SAE1: variants seen among roughly 807,000 people sequenced by gnomAD.
SAE1 encodes the protein SUMO1 activating enzyme subunit 1, also known as SUMO-activating enzyme subunit 1.
SAE1 carries 11 observed loss-of-function variants against 40.6 expected under a neutral mutation model. That is an observed-to-expected ratio of 0.27 (90% CI 0.17 to 0.45). SAE1 has a LOEUF of 0.45. Among genes scored for constraint, SAE1 ranks in the 20% least tolerant of loss-of-function variants. The pLI, the probability that SAE1 is intolerant of heterozygous loss-of-function variation, is 1.00. For synonymous variants in SAE1, 155 were observed against 154.3 expected, an observed-to-expected ratio of 1.00 and a Z score of -0.03; for missense variants, 373 against 427.3, an observed-to-expected ratio of 0.87 and a Z score of 1.12.
At position 47,182,517 on chromosome 19, in the gene SAE1, GCA is replaced by G. The variant is rs1169487701; in HGVS notation, c.733+12598_733+12599del. 6.9e-3 allele frequency among the ~76,000 whole-genome samples: 1,042 copies of G among 150,874 alleles called. 11 individuals are homozygous for G. The highest frequency in any genetic ancestry group is 0.025 in the African/African-American group (1,008 of 41,138). Reference sequence around the variant, plus strand: ...TGTGTGCGCGCACGCACGCGCGCGCGCACACCACTGCCTTATCAGTGGTAGAG... The same window carrying G: ...TGTGTGCGCGCACGCACGCGCGCGCGCACCACTGCCTTATCAGTGGTAGAG... On this transcript the variant is annotated intron_variant, in intron 6 of 8. Transcript: ENST00000270225.
At chr19:47,194,812 G>A (rs1398560730) in intron 6 of SAE1, among the ~76,000 whole-genome samples, 21 of 149,536 alleles carry the variant, frequency 1.4e-4, no homozygotes, top group Non-Finnish European at 4.4e-5. Context: ...GCAGTGGCGC[G>A]ATCTCAGCTC....
chr19:47,158,359 G>A (rs753711292), intron 5 of SAE1, among the ~76,000 whole-genome samples: 1 of 152,166 alleles, frequency 6.6e-6, no homozygotes, highest in Non-Finnish European at 1.5e-5. Flanking sequence ...CCCAGAAATA[G>A]GTGCTCAGTA....
rs879473910 is a variant in SAE1 at position 47,147,987 on chromosome 19, C to T, written c.211-2215C>T. Among the ~76,000 whole-genome samples the T allele has an allele frequency of 5.9e-5, 9 of 151,760 alleles. 1 individual carries two copies. Among genetic ancestry groups the T allele is most frequent in the Non-Finnish European group, 1.3e-4 (9 of 67,898 alleles). On this transcript the variant is annotated intron_variant, in intron 2 of 8. Coordinates refer to ENST00000270225, the MANE Select transcript of SAE1 (RefSeq NM_005500.3). ...GTATTAGCCAGGATGGTCTCGATCT[C>T]CTGACCTCGTGATCTGCCTGCCTTG...
chr19:47,155,285 G>T, intron 5 of SAE1, 72 bp downstream of exon 5: 1 of 1,062,500 alleles, frequency 9.4e-7, no homozygotes, highest in Non-Finnish European at 1.4e-6. Context: ...CGATTGAAAA[G>T]GATAAGAGCA....
At chr19:47,167,888 A>G (rs1471748535) in intron 5 of SAE1, among the ~76,000 whole-genome samples, 5 of 152,132 alleles carry the variant, frequency 3.3e-5, no homozygotes, top group Non-Finnish European at 5.9e-5. Context: ...AAGGGTAGCT[A>G]GTTCTAAGAA....
At chr19:47,185,315 T>C (rs1388273733) in intron 6 of SAE1, among the ~76,000 whole-genome samples, 1 of 152,020 alleles carries the variant, frequency 6.6e-6, no homozygotes, top group Non-Finnish European at 1.5e-5. Context: ...TTTATTTGTT[T>C]ACTTATTTTT....
At chr19:47,193,967 A>G (rs1334770888) in intron 6 of SAE1, among the ~76,000 whole-genome samples, 2 of 152,132 alleles carry the variant, frequency 1.3e-5, no homozygotes, top group African/African-American at 4.8e-5. Flanking sequence ...GCACTGAGAA[A>G]AGCATAGCCC....
chr19:47,171,063 C>T (rs1165361244), intron 6 of SAE1, among the ~76,000 whole-genome samples: 2 of 152,050 alleles, frequency 1.3e-5, no homozygotes, highest in Middle Eastern at 3.4e-3. Flanking sequence ...TAACCTCTGC[C>T]TCCTGGGTTC....
rs74749546 is a variant in SAE1 at position 47,132,424 on chromosome 19, G to GTTTTTT, written c.98+1406_98+1411dup. Among the ~76,000 whole-genome samples the GTTTTTT allele has an allele frequency of 1.1e-4, 14 of 131,014 alleles. No homozygotes were observed. In the East Asian group the frequency reaches 3.1e-3, roughly 29 times the overall value. 86.0% of individuals were successfully genotyped at this position (131,014 alleles called of 152,430 possible). A position where few individuals can be genotyped will look rare whatever the true frequency, so the allele number is the denominator to read the frequency against. ...CCACCACATCATCCGACTAATTTTT[G>GTTTTTT]TTTTTTTTTTTTTTTGTAGGATGGG... On this transcript the variant is annotated intron_variant, in intron 1 of 8. Coordinates refer to ENST00000270225, the MANE Select transcript of SAE1 (RefSeq NM_005500.3).
At chr19:47,146,427 G>A (rs2058255828) in intron 2 of SAE1, among the ~76,000 whole-genome samples, 1 of 152,118 alleles carries the variant, frequency 6.6e-6, no homozygotes, top group African/African-American at 2.4e-5. Flanking sequence ...GGTGAAAGTG[G>A]CCTTGCTGAT....
intron 6 of SAE1, among the ~76,000 whole-genome samples, chr19:47,175,464 C>T (rs1210170236): frequency 1.3e-5 from 2 of 152,102 alleles, no homozygotes; most frequent in African/African-American, 2.4e-5. Context: ...AGTCTGGGCG[C>T]GGTGGCTTAT....
At chr19:47,202,190 A>G (rs1246336669) in intron 7 of SAE1, among the ~76,000 whole-genome samples, 3 of 152,186 alleles carry the variant, frequency 2.0e-5, no homozygotes, top group Non-Finnish European at 4.4e-5. Context: ...CTTTGTCAAG[A>G]TGTATGATTA....
intron 3 of SAE1, among the ~76,000 whole-genome samples, chr19:47,151,834 G>A (rs947261273): frequency 2.0e-5 from 3 of 152,248 alleles, no homozygotes; most frequent in Admixed American, 2.0e-4. Flanking sequence ...AAACTGAAGT[G>A]TGAGGCCAGT....
At chr19:47,132,245 G>A (rs2058148909) in intron 1 of SAE1, among the ~76,000 whole-genome samples, 2 of 151,476 alleles carry the variant, frequency 1.3e-5, no homozygotes, top group South Asian at 2.1e-4. Context: ...TTACAGACGT[G>A]AGCCACTGTG....
At chr19:47,186,825 G>T (rs2058547470) in intron 6 of SAE1, among the ~76,000 whole-genome samples, 1 of 152,088 alleles carries the variant, frequency 6.6e-6, no homozygotes, top group Non-Finnish European at 1.5e-5. Flanking sequence ...GCATTTCAGA[G>T]TAGTCTTCAT....
At chr19:47,190,638 C>A (rs1489237302) in intron 6 of SAE1, among the ~76,000 whole-genome samples, 1 of 152,226 alleles carries the variant, frequency 6.6e-6, no homozygotes, top group Non-Finnish European at 1.5e-5. Context: ...ATGGTGCCAG[C>A]CTGCCGGCCC....
chr19:47,131,166 T>C, intron 1 of SAE1, 138 bp downstream of exon 1: 1 of 1,412,224 alleles, frequency 7.1e-7, no homozygotes. Flanking sequence ...CGTCTCTCTC[T>C]TGGGGGGACT....
chr19:47,152,908 C>A lies in SAE1; in HGVS notation c.395C>A (p.Thr132Asn). 1.2e-6 allele frequency: 2 copies of A among 1,611,862 alleles called. No individual in the cohort carries two copies. Among genetic ancestry groups the A allele is most frequent in the Non-Finnish European group, 1.7e-6 (2 of 1,179,856 alleles). ...TCTTTCTTTCTGCAGGTGTGTCTGA[C>A]TTGCTGCTCCAGGGATGTCATAGTT... The part of the protein sequence containing the change: ...FFTQFDAVCL[T>N]CCSRDVIVKV... Residue 132 changes from threonine (T) to asparagine (N), a missense_variant, in exon 4 of 9, where the codon ACT becomes AAT. Physicochemically the swap from Thr to Asn is moderately conservative, Grantham distance 65 (BLOSUM62 0). Around this residue, in one of 3 missense-constraint regions of SAE1, gnomAD observed 351 missense variants for 390.6 expected, o/e 0.90. Transcript: ENST00000270225.
intron 6 of SAE1, among the ~76,000 whole-genome samples, chr19:47,187,481 C>T (rs989901887): frequency 6.6e-6 from 1 of 152,190 alleles, no homozygotes; most frequent in Non-Finnish European, 1.5e-5. Context: ...TCAATTCAGT[C>T]AGTAACAGAC....
Sources: gnomAD v4.1 joint callset for allele counts (sites outside exome capture counted in the v4.1 genomes callset) on GRCh38, gnomAD v4.1.1 for gene constraint, gnomAD v4.1.1 regional missense constraint, MANE v1.5 for transcripts, NCBI Gene and HGNC (gene_info 2026-07-23, HGNC 2026-07-21) for gene names.